TBC1D4: variants seen among roughly 807,000 people sequenced by gnomAD.
TBC1D4 encodes the protein TBC (Tre-2, BUB2, CDC16) domain-containing protein.
Under a neutral mutation model 142.5 loss-of-function variants are expected in TBC1D4, and 121 were observed. The ratio of observed to expected loss-of-function variants is 0.85; its 90% CI spans 0.73 to 0.99. The LOEUF (loss-of-function observed/expected upper bound fraction) is 0.99. Ranked by LOEUF, TBC1D4 falls within the 50% of genes least tolerant of loss-of-function variation. TBC1D4 has a pLI of 0.00. For synonymous variants in TBC1D4, 630 were observed against 628.2 expected (o/e 1.00, Z -0.04); for missense variants, 1,475 against 1,606.6 (o/e 0.92, Z 1.40).
chr13:75,380,242 C>T (rs1303866760), intron 1 of TBC1D4, among the ~76,000 whole-genome samples: 1 of 151,440 alleles, frequency 6.6e-6, no homozygotes, highest in African/African-American at 2.4e-5. Flanking sequence ...GAGGCCGAGG[C>T]GGGTGGATCA....
intron 8 of TBC1D4, among the ~76,000 whole-genome samples, chr13:75,329,152 A>G (rs1879529832): frequency 1.3e-5 from 2 of 151,448 alleles, no homozygotes; most frequent in Non-Finnish European, 2.9e-5. Context: ...TTCCTTCAAT[A>G]TAGTTACATC....
At chr13:75,438,106 G>A (rs1886873736) in intron 1 of TBC1D4, among the ~76,000 whole-genome samples, 2 of 152,126 alleles carry the variant, frequency 1.3e-5, no homozygotes, top group African/African-American at 4.8e-5. Flanking sequence ...TCCAATAATT[G>A]ATATGGTGAA....
intron 1 of TBC1D4, among the ~76,000 whole-genome samples, chr13:75,363,286 A>C (rs1471838212): frequency 6.6e-6 from 1 of 152,216 alleles, no homozygotes; most frequent in Non-Finnish European, 1.5e-5. Flanking sequence ...ATGTCCACAC[A>C]AGAGCCTACA....
rs1431632573 is a variant in TBC1D4 at position 75,362,398 on chromosome 13, G to A, written c.708C>T (p.Arg236=). 6.2e-7 allele frequency: 1 copy of A among 1,614,226 alleles called. No homozygotes were observed. The highest frequency in any genetic ancestry group is 1.7e-5 in the Admixed American group (1 of 60,038). The stretch of plus-strand genomic sequence containing the variant: ...CGCGCTGCTCCCCTTGGATCTTCAG[G>A]CGCTGCTGTTCGTGCAGGCTGAACT... The part of the protein sequence containing the change: ...MEKFSLHEQQ[R]LKIQGEQRGP... The change falls in exon 2 of 21, where the codon CGC becomes CGT. Residue 236 remains arginine, a synonymous_variant. Coordinates refer to ENST00000377636, the MANE Select transcript of TBC1D4 (RefSeq NM_014832.5). The surrounding 1 kb of genome is among the most constrained non-coding windows in gnomAD (Gnocchi z 4.2).
At chr13:75,431,895 G>A (rs568697616) in intron 1 of TBC1D4, among the ~76,000 whole-genome samples, 54 of 151,986 alleles carry the variant, frequency 3.6e-4, no homozygotes, top group Non-Finnish European at 7.1e-4. Context: ...AATATTGAGA[G>A]GAACCAGGAA....
Position 75,359,784 on chromosome 13 carries a change from G to T in TBC1D4, c.1155C>A (p.Ile385=). ...SVVLEKNFKD[I]SSCSQGIKHV... ...TGATACATACCTGAGAACAAGAGGA[G>T]ATATCTTTAAAATTCTTTTCTAGCA... Residue 385 remains isoleucine (I), a synonymous_variant, in exon 3 of 21, where the codon ATC becomes ATA. Coordinates refer to ENST00000377636, the MANE Select transcript of TBC1D4 (RefSeq NM_014832.5). 1 of 1,612,352 alleles carries T rather than the reference G, an allele frequency of 6.2e-7. No individual in the cohort carries two copies. Among genetic ancestry groups the T allele is most frequent in the East Asian group, 2.2e-5 (1 of 44,748 alleles).
At chr13:75,288,117 T>C (rs1032804069) in intron 20 of TBC1D4, among the ~76,000 whole-genome samples, 1 of 152,254 alleles carries the variant, frequency 6.6e-6, no homozygotes, top group African/African-American at 2.4e-5. Context: ...TAGTATTTTA[T>C]ATTCTCAAAT....
chr13:75,458,027 G>A (rs1388066088), intron 1 of TBC1D4, among the ~76,000 whole-genome samples: 9 of 152,128 alleles, frequency 5.9e-5, no homozygotes, highest in Admixed American at 2.6e-4. Flanking sequence ...AGTAGTTGCC[G>A]TTCATGGATG....
intron 1 of TBC1D4, among the ~76,000 whole-genome samples, chr13:75,392,800 A>C (rs758168041): frequency 6.6e-5 from 10 of 151,912 alleles, no homozygotes; most frequent in African/African-American, 9.7e-5. Context: ...CACACCAGCT[A>C]ATGTTTTTCA....
chr13:75,299,243 T>C, intron 17 of TBC1D4, 87 bp downstream of exon 17: 7 of 1,597,474 alleles, frequency 4.4e-6, no homozygotes, highest in Non-Finnish European at 6.0e-6. Context: ...TCTACATTTC[T>C]TTAAATCTGA....
chr13:75,361,492 C>T (rs982929870), intron 2 of TBC1D4, among the ~76,000 whole-genome samples: 1 of 152,086 alleles, frequency 6.6e-6, no homozygotes, highest in Non-Finnish European at 1.5e-5. Context: ...GCAATTCTCC[C>T]GCCTCAGCAC....
rs924393627 is a variant in TBC1D4, at chr13:75,299,635, G to A, written c.2912-61C>T. On this transcript the variant is annotated intron_variant, in intron 16 of 20. Transcript: ENST00000377636. ...GTCCTCATGCCTTGGAGACAACAGT[G>A]AAATTGCAATTCAGTGACCTCCAAG... The A allele has an allele frequency of 1.0e-5, 16 of 1,599,558 alleles. No homozygotes were observed. In the African/African-American group the frequency reaches 2.1e-4, roughly 21 times the overall value.
intron 10 of TBC1D4, among the ~76,000 whole-genome samples, chr13:75,325,521 T>C (rs1445363431): frequency 1.3e-5 from 2 of 152,182 alleles, no homozygotes; most frequent in South Asian, 4.1e-4. Flanking sequence ...AAATTTGATC[T>C]GTGTTACACA....
chr13:75,479,119 A>C (rs1392422400), intron 1 of TBC1D4, among the ~76,000 whole-genome samples: 4 of 152,142 alleles, frequency 2.6e-5, no homozygotes, highest in African/African-American at 9.7e-5. Flanking sequence ...GCCACCCACT[A>C]TCCAGTCCTC....
intron 1 of TBC1D4, among the ~76,000 whole-genome samples, chr13:75,475,628 T>A (rs1305887374): frequency 1.3e-5 from 2 of 152,222 alleles, no homozygotes; most frequent in Non-Finnish European, 2.9e-5. Context: ...ATGAGGTAAA[T>A]AATATACCAG....
At chr13:75,317,053 C>T (rs1230239862) in intron 12 of TBC1D4, among the ~76,000 whole-genome samples, 2 of 152,152 alleles carry the variant, frequency 1.3e-5, no homozygotes, top group Non-Finnish European at 2.9e-5. Flanking sequence ...ATTACTACTT[C>T]CATTTTTGGT....
At chr13:75,334,522 C>A (rs1246157820) in intron 8 of TBC1D4, among the ~76,000 whole-genome samples, 1 of 151,748 alleles carries the variant, frequency 6.6e-6, no homozygotes, top group Admixed American at 6.6e-5. Flanking sequence ...ATTGATACCT[C>A]CAAGTTTTAT....
chr13:75,433,657 T>C (rs1886678287), intron 1 of TBC1D4, among the ~76,000 whole-genome samples: 1 of 152,182 alleles, frequency 6.6e-6, no homozygotes, highest in Non-Finnish European at 1.5e-5. Flanking sequence ...CCATGTTATA[T>C]TGATTCATAC....
At chr13:75,354,786 C>T (rs1230528130) in intron 4 of TBC1D4, among the ~76,000 whole-genome samples, 4 of 152,088 alleles carry the variant, frequency 2.6e-5, no homozygotes, top group Non-Finnish European at 5.9e-5. Flanking sequence ...GTTAGGTCAT[C>T]GGTTTTCTTT....
Sources: allele counts gnomAD v4.1 joint callset (sites outside exome capture counted in the v4.1 genomes callset), GRCh38; gene constraint gnomAD v4.1.1; non-coding constraint Gnocchi (gnomAD v3.1); transcripts MANE v1.5; gene names NCBI Gene and HGNC (gene_info 2026-07-23, HGNC 2026-07-21).